KHDRBS2: variants seen among roughly 807,000 people sequenced by gnomAD.
KHDRBS2 encodes KH RNA binding domain containing, signal transduction associated 2, also known as KH domain-containing, RNA-binding, signal transduction-associated protein 2.
A neutral mutation model predicts 44.3 loss-of-function variants in KHDRBS2; 26 were observed. The observed-to-expected ratio is 0.59, with a 90% CI of 0.43 to 0.81. The LOEUF (loss-of-function observed/expected upper bound fraction) is 0.81. Ranked by LOEUF, KHDRBS2 falls within the 40% of genes least tolerant of loss-of-function variation. KHDRBS2 has a pLI of 0.00. For missense variants in KHDRBS2, 476 were observed against 433.1 expected, an observed-to-expected ratio of 1.10 and a Z score of -0.88; for synonymous variants, 194 against 151.1, an observed-to-expected ratio of 1.28 and a Z score of -2.08.
intron 4 of KHDRBS2, among the ~76,000 whole-genome samples, chr6:61,950,246 G>A (rs1325463234): frequency 6.6e-6 from 1 of 151,984 alleles, no homozygotes; most frequent in East Asian, 1.9e-4. Context: ...GACTTGAATG[G>A]CTTGCTATTT....
Position 61,680,978 on chromosome 6 carries a change from G to A in KHDRBS2, c.1035C>T (p.Pro345=), listed in dbSNP as rs148715867. The A allele has an allele frequency of 3.7e-6, 6 of 1,609,572 alleles. No homozygotes were observed. The African/African-American group carries it at 5.4e-5, about 14-fold the overall frequency. Residue 345 remains proline (P), a synonymous_variant, in exon 9 of 9, where the codon CCC becomes CCT. Coordinates refer to ENST00000281156, the MANE Select transcript of KHDRBS2 (RefSeq NM_152688.4). ...RSARGGYREH[P]YGRY ...GGAAGGACCTTCAATATCTACCATA[G>A]GGGTGTTCCCTGTATCCCCCTCTGG...
chr6:61,599,251 CA>C, the KHDRBS2 span, among the ~76,000 whole-genome samples: 2 of 151,926 alleles, frequency 1.3e-5, no homozygotes, highest in Admixed American at 6.6e-5. Context: ...TTGATATTGC[CA>C]AGGGAGTTTC....
intron 2 of KHDRBS2, among the ~76,000 whole-genome samples, chr6:62,149,289 A>G (rs546439503): frequency 2.0e-5 from 3 of 152,196 alleles, no homozygotes; most frequent in African/African-American, 7.2e-5. Flanking sequence ...ACTCACTTTT[A>G]ATACAATGAA....
intron 2 of KHDRBS2, among the ~76,000 whole-genome samples, chr6:62,079,602 G>A (rs1445941958): frequency 6.6e-6 from 1 of 151,956 alleles, no homozygotes; most frequent in Non-Finnish European, 1.5e-5. Context: ...CACTGACAAA[G>A]CAAAATTGAA....
chr6:62,063,342 A>T (rs566763838), intron 2 of KHDRBS2, among the ~76,000 whole-genome samples: 36 of 151,438 alleles, frequency 2.4e-4, no homozygotes, highest in Admixed American at 5.9e-4. Flanking sequence ...AGAATTTTAG[A>T]CCAATATCCT....
chr6:61,616,017 T>C, the KHDRBS2 span, among the ~76,000 whole-genome samples: 2 of 152,202 alleles, frequency 1.3e-5, no homozygotes, highest in African/African-American at 4.8e-5. Flanking sequence ...TCATTTTTTC[T>C]TCAGAATGTC....
intron 6 of KHDRBS2, among the ~76,000 whole-genome samples, chr6:61,798,821 C>T (rs1266775981): frequency 6.6e-6 from 1 of 151,628 alleles, no homozygotes; most frequent in African/African-American, 2.4e-5. Flanking sequence ...TCATACATAC[C>T]TTTATTATAT....
chr6:62,010,271 C>A (rs571282787), intron 3 of KHDRBS2, among the ~76,000 whole-genome samples: 17 of 152,168 alleles, frequency 1.1e-4, no homozygotes, highest in Admixed American at 3.3e-4. Flanking sequence ...AAGCCTGTAG[C>A]ACCTTTGTTT....
the KHDRBS2 span, among the ~76,000 whole-genome samples, chr6:61,562,782 T>C: frequency 2.6e-5 from 4 of 152,178 alleles, no homozygotes; most frequent in African/African-American, 9.6e-5. Flanking sequence ...GTTTTTCCTC[T>C]GGATAAAGCC....
Position 62,120,552 on chromosome 6 carries a change from G to A in KHDRBS2, c.219+56633C>T, listed in dbSNP as rs370655178. ...CAAAGGCAAGGTGGGCATAGCTACC[G>A]TAATGAACAGAAGAGGCAAAGCAGC... On this transcript the variant is annotated intron_variant, in intron 2 of 8. Coordinates refer to ENST00000281156, the MANE Select transcript of KHDRBS2 (RefSeq NM_152688.4). Among the ~76,000 whole-genome samples, 11 of 152,290 alleles carry A rather than the reference G, an allele frequency of 7.2e-5. No individual in the cohort carries two copies. In the South Asian group the frequency reaches 8.3e-4, roughly 11 times the overall value.
intron 4 of KHDRBS2, among the ~76,000 whole-genome samples, chr6:61,939,262 C>T (rs1811651813): frequency 1.3e-5 from 2 of 152,162 alleles, no homozygotes; most frequent in Middle Eastern, 3.2e-3. Flanking sequence ...TGTATAGACA[C>T]ATTCAAGTAT....
At chr6:62,002,131 A>G (rs1778362009) in intron 3 of KHDRBS2, among the ~76,000 whole-genome samples, 2 of 152,008 alleles carry the variant, frequency 1.3e-5, no homozygotes, top group Non-Finnish European at 2.9e-5. Context: ...AAACCATTCA[A>G]TTTTGACATT....
chr6:62,026,417 T>TTTATTA (rs372829154), intron 3 of KHDRBS2, among the ~76,000 whole-genome samples: 10 of 143,112 alleles, frequency 7.0e-5, no homozygotes, highest in South Asian at 2.2e-4. Flanking sequence ...TTTTATTTTA[T>TTTATTA]TTATTATTAT....
chr6:61,752,482 A>C (rs182106688), intron 6 of KHDRBS2, among the ~76,000 whole-genome samples: 6 of 152,234 alleles, frequency 3.9e-5, no homozygotes, highest in Admixed American at 3.9e-4. Context: ...ATACAAAATA[A>C]TTATAGCTGA....
chr6:62,047,839 C>T (rs751456781), intron 3 of KHDRBS2, 39 bp downstream of exon 3: 8 of 1,322,204 alleles, frequency 6.1e-6, no homozygotes, highest in Non-Finnish European at 8.7e-6. Flanking sequence ...TATAGGTAAC[C>T]TCCTGAATGT....
the KHDRBS2 span, among the ~76,000 whole-genome samples, chr6:61,575,509 G>C: frequency 1.8e-3 from 272 of 152,284 alleles, no homozygotes; most frequent in African/African-American, 6.0e-3. Flanking sequence ...CTGCTGGTGA[G>C]AATGTACACT....
intron 1 of KHDRBS2, among the ~76,000 whole-genome samples, chr6:62,228,371 C>T (rs1465962277): frequency 6.6e-6 from 1 of 151,650 alleles, no homozygotes; most frequent in African/African-American, 2.4e-5. Flanking sequence ...TGGTGATATC[C>T]CCTTTATCAT....
At chr6:62,206,011 A>T (rs1827902640) in intron 1 of KHDRBS2, among the ~76,000 whole-genome samples, 1 of 152,196 alleles carries the variant, frequency 6.6e-6, no homozygotes, top group African/African-American at 2.4e-5. Flanking sequence ...CAGCTTGCTG[A>T]AGGAGCTTAA....
chr6:61,590,339 T>TGGAGA, the KHDRBS2 span, among the ~76,000 whole-genome samples: 1 of 152,210 alleles, frequency 6.6e-6, no homozygotes, highest in Non-Finnish European at 1.5e-5. Context: ...GTCTTGGGTA[T>TGGAGA]TGTCTCTTGC....
Sources: allele counts gnomAD v4.1 joint callset (sites outside exome capture counted in the v4.1 genomes callset), GRCh38; gene constraint gnomAD v4.1.1; transcripts MANE v1.5; gene names NCBI Gene and HGNC (gene_info 2026-07-23, HGNC 2026-07-21).